LRRFIP1: variants seen among roughly 807,000 people sequenced by gnomAD.
The protein encoded by LRRFIP1 is leucine-rich repeat flightless-interacting protein 1.
Under a neutral mutation model 104.4 loss-of-function variants are expected in LRRFIP1, and 62 were observed. That is an observed-to-expected ratio of 0.59 (90% CI 0.48 to 0.73). The LOEUF (loss-of-function observed/expected upper bound fraction) is 0.73, where lower values mean the gene tolerates loss of function less well. Ranked by LOEUF, LRRFIP1 falls within the 30% of genes least tolerant of loss-of-function variation. The pLI, the probability that LRRFIP1 is intolerant of heterozygous loss-of-function variation, is 0.00. For synonymous variants in LRRFIP1, 300 were observed against 299.0 expected, an observed-to-expected ratio of 1.00 and a Z score of -0.03; for missense variants, 796 against 824.5, an observed-to-expected ratio of 0.97 and a Z score of 0.42.
chr2:237,735,372 T>C lies in LRRFIP1; in HGVS notation c.555+39T>C, dbSNP rs760256388. On this transcript the variant is annotated intron_variant, in intron 10 of 23. Transcript: ENST00000308482. The surrounding 1 kb of genome is among the most constrained non-coding windows in gnomAD (Gnocchi z 4.6). ...GGTGATACCTCCTTTCCCCCGTGCC[T>C]GCTGCATGGCCTGGGGATGCTCGCT... is the stretch of plus-strand genomic sequence containing the variant. The C allele has an allele frequency of 6.3e-7, 1 of 1,594,208 alleles. No homozygotes were observed. The highest frequency in any genetic ancestry group is 2.2e-5 in the East Asian group (1 of 44,660).
intron 1 of LRRFIP1, among the ~76,000 whole-genome samples, chr2:237,637,734 T>C (rs558453850): frequency 1.3e-5 from 2 of 152,282 alleles, no homozygotes; most frequent in South Asian, 4.1e-4. Flanking sequence ...AAAAATCACA[T>C]AGTGGTCATG....
chr2:237,731,609 C>T (rs1357256381), intron 8 of LRRFIP1, among the ~76,000 whole-genome samples: 1 of 152,162 alleles, frequency 6.6e-6, no homozygotes, highest in African/African-American at 2.4e-5. Flanking sequence ...AGAGATTTTG[C>T]TGTTGCAGAG....
chr2:237,707,983 C>T (rs917477754), intron 1 of LRRFIP1, among the ~76,000 whole-genome samples: 3 of 152,180 alleles, frequency 2.0e-5, no homozygotes, highest in African/African-American at 7.2e-5. Flanking sequence ...GACAGCAGTT[C>T]GCTGGGATTA....
At chr2:237,657,411 G>A (rs763910351) in intron 1 of LRRFIP1, among the ~76,000 whole-genome samples, 7 of 152,136 alleles carry the variant, frequency 4.6e-5, no homozygotes, top group Admixed American at 1.3e-4. Context: ...AAAACATAGA[G>A]ATAGTACAGT....
chr2:237,694,860 C>G (rs573383000), intron 1 of LRRFIP1, among the ~76,000 whole-genome samples: 36 of 152,322 alleles, frequency 2.4e-4, no homozygotes, highest in African/African-American at 8.7e-4. Flanking sequence ...TGTGTCACCC[C>G]GCTCTCTTTC....
At chr2:237,699,618 C>T (rs948537573) in intron 1 of LRRFIP1, among the ~76,000 whole-genome samples, 12 of 152,208 alleles carry the variant, frequency 7.9e-5, no homozygotes, top group Non-Finnish European at 1.6e-4. Context: ...TCCCAAAGTG[C>T]TGGGATTACA....
rs755134913 is a variant in LRRFIP1, at chr2:237,751,202, A to T, written c.798A>T (p.Glu266Asp). ...DTEASIREIK[E>D]LNELKDQIQD... Reference sequence around the variant, plus strand: ...GCCTTTTTTGCCATTTCCCCCAGGAACTCAATGAGTTAAAGGACCAGATTC... The same window carrying T: ...GCCTTTTTTGCCATTTCCCCCAGGATCTCAATGAGTTAAAGGACCAGATTC... The change falls in exon 14 of 24, where the codon GAA (glutamate) becomes GAT (aspartate). Residue 266 changes from glutamate to aspartate, a missense_variant and splice_region_variant. Physicochemically the swap from Glu to Asp is conservative, Grantham distance 45 (BLOSUM62 2). Coordinates refer to ENST00000308482, the MANE Select transcript of LRRFIP1 (RefSeq NM_001137550.2). 6.2e-7 allele frequency: 1 copy of T among 1,606,332 alleles called. No homozygotes were observed. Among genetic ancestry groups the T allele is most frequent in the South Asian group, 1.1e-5 (1 of 88,402 alleles).
chr2:237,676,052 C>A (rs189603725), intron 1 of LRRFIP1, among the ~76,000 whole-genome samples: 1 of 152,266 alleles, frequency 6.6e-6, no homozygotes, highest in African/African-American at 2.4e-5. Flanking sequence ...TAGTGTGTAG[C>A]CATCACCATC....
chr2:237,662,524 A>G (rs190007411), intron 1 of LRRFIP1, among the ~76,000 whole-genome samples: 6 of 152,266 alleles, frequency 3.9e-5, no homozygotes, highest in Admixed American at 3.9e-4. Flanking sequence ...TTCAGGTCCA[A>G]TGTCTGAATG....
chr2:237,659,072 A>G (rs12986648), intron 1 of LRRFIP1, among the ~76,000 whole-genome samples: 20,411 of 147,938 alleles, frequency 0.14, 1,870 homozygotes, highest in Non-Finnish European at 0.21. Context: ...CCAGTGGGAA[A>G]AGATAAGTTA....
intron 15 of LRRFIP1, among the ~76,000 whole-genome samples, chr2:237,753,981 A>G (rs2058970254): frequency 6.6e-6 from 1 of 152,090 alleles, no homozygotes. Context: ...AAAGTACCAT[A>G]CTCTTTGCCA....
At chr2:237,742,641 G>C (rs2057274748) in intron 11 of LRRFIP1, among the ~76,000 whole-genome samples, 2 of 152,204 alleles carry the variant, frequency 1.3e-5, no homozygotes, top group African/African-American at 4.8e-5. Flanking sequence ...TTTCTGTCTT[G>C]GGACATTTAC....
chr2:237,690,547 G>A (rs2092686298), intron 1 of LRRFIP1, among the ~76,000 whole-genome samples: 1 of 152,118 alleles, frequency 6.6e-6, no homozygotes, highest in South Asian at 2.1e-4. Context: ...AACCAGGCTG[G>A]CTAACATGGT....
At chr2:237,719,138 C>T (rs759137410) in intron 4 of LRRFIP1, among the ~76,000 whole-genome samples, 17 of 152,050 alleles carry the variant, frequency 1.1e-4, no homozygotes, top group Non-Finnish European at 1.9e-4. Context: ...ACATCCTTTT[C>T]GGATATTGTG....
At chr2:237,770,234 G>T in intron 20 of LRRFIP1, 1 of 442,838 alleles carries the variant, frequency 2.3e-6, no homozygotes, top group African/African-American at 2.0e-5. Flanking sequence ...CCAAAGCCAT[G>T]GAATTGAATT....
intron 16 of LRRFIP1, 71 bp from the exon 17 acceptor site, chr2:237,757,385 G>T (rs2059379710): frequency 1.0e-6 from 1 of 986,382 alleles, no homozygotes; most frequent in Non-Finnish European, 1.5e-6. Flanking sequence ...CAGCTCTCAG[G>T]TTCTCTCTCG....
At chr2:237,704,293 C>T (rs1575632929) in intron 1 of LRRFIP1, among the ~76,000 whole-genome samples, 1 of 152,058 alleles carries the variant, frequency 6.6e-6, no homozygotes, top group African/African-American at 2.4e-5. Context: ...GCTGGGATTA[C>T]AGGTGCCCAC....
chr2:237,672,072 G>C (rs924149703), intron 1 of LRRFIP1, among the ~76,000 whole-genome samples: 1 of 151,776 alleles, frequency 6.6e-6, no homozygotes, highest in Admixed American at 6.6e-5. Flanking sequence ...TCAGTAAATA[G>C]TTCTTTTCAG....
intron 2 of LRRFIP1, among the ~76,000 whole-genome samples, chr2:237,712,774 A>C (rs148814334): frequency 3.7e-4 from 56 of 152,044 alleles, no homozygotes; most frequent in Non-Finnish European, 7.1e-4. Flanking sequence ...AGGATTTGGG[A>C]AGGTGCACTG....
Sources: gnomAD v4.1 joint callset for allele counts (sites outside exome capture counted in the v4.1 genomes callset) on GRCh38, gnomAD v4.1.1 for gene constraint, Gnocchi (gnomAD v3.1) non-coding constraint, MANE v1.5 for transcripts, NCBI Gene and HGNC (gene_info 2026-07-23, HGNC 2026-07-21) for gene names.